AOPEP: variants seen among roughly 807,000 people sequenced by gnomAD.
AOPEP encodes the protein aminopeptidase O (putative).
Under a neutral mutation model 98.1 loss-of-function variants are expected in AOPEP, and 77 were observed. That is an observed-to-expected ratio of 0.78 (90% CI 0.65 to 0.95). The LOEUF is 0.95. Ranked by LOEUF, AOPEP falls within the 40% of genes least tolerant of loss-of-function variation. The probability of loss-of-function intolerance (pLI) is 0.00; values close to 1 mark genes in which losing one functional copy is unlikely to be tolerated. For synonymous variants in AOPEP, 346 were observed against 365.3 expected (o/e 0.95, Z 0.60); for missense variants, 1,024 against 1,024.7 (o/e 1.00, Z 0.01).
At chr9:94,882,812 A>G (rs1342954869) in intron 5 of AOPEP, among the ~76,000 whole-genome samples, 4 of 152,222 alleles carry the variant, frequency 2.6e-5, no homozygotes, top group East Asian at 3.9e-4. Flanking sequence ...AATAAAAACC[A>G]AACTTCCCTA....
intron 8 of AOPEP, 88 bp from the exon 9 acceptor site, chr9:94,955,820 C>A: frequency 1.2e-6 from 1 of 830,014 alleles, no homozygotes; most frequent in Non-Finnish European, 1.9e-6. Flanking sequence ...CACAAGTGCA[C>A]TATGGGTTAG....
intron 7 of AOPEP, among the ~76,000 whole-genome samples, chr9:94,935,526 C>T (rs1037704620): frequency 3.3e-5 from 5 of 152,122 alleles, no homozygotes; most frequent in Non-Finnish European, 5.9e-5. Context: ...CTCAGTTGTT[C>T]GCATCAGGCA....
intron 7 of AOPEP, among the ~76,000 whole-genome samples, chr9:94,954,684 T>A (rs979514376): frequency 2.6e-5 from 4 of 152,198 alleles, no homozygotes; most frequent in Admixed American, 2.6e-4. Flanking sequence ...AAACATGAGC[T>A]TCTATGACCT....
At chr9:94,884,715 CT>C (rs1414352152) in intron 5 of AOPEP, among the ~76,000 whole-genome samples, 1 of 152,166 alleles carries the variant, frequency 6.6e-6, no homozygotes, top group Non-Finnish European at 1.5e-5. Flanking sequence ...ATGTATAGCT[CT>C]TAAATCAGGC....
intron 7 of AOPEP, among the ~76,000 whole-genome samples, chr9:94,948,830 T>C (rs948514315): frequency 6.6e-6 from 1 of 152,238 alleles, no homozygotes. Context: ...TCTTGGCACC[T>C]GGTCTTCCTT....
At chr9:95,026,506 A>G (rs985433371) in intron 13 of AOPEP, among the ~76,000 whole-genome samples, 4 of 152,216 alleles carry the variant, frequency 2.6e-5, no homozygotes, top group Admixed American at 2.0e-4. Context: ...AGGTGCATGC[A>G]TGTCGCAGTG....
chr9:95,129,784 C>A, the AOPEP span, among the ~76,000 whole-genome samples: 1 of 152,114 alleles, frequency 6.6e-6, no homozygotes, highest in African/African-American at 2.4e-5. Context: ...TTATCTCCCC[C>A]CTCAGGCTTT....
intron 5 of AOPEP, among the ~76,000 whole-genome samples, chr9:94,858,853 C>T (rs898990464): frequency 2.0e-5 from 3 of 151,814 alleles, no homozygotes; most frequent in African/African-American, 4.8e-5. Context: ...GTTGGAGACC[C>T]GCCTGGCCAA....
chr9:95,145,461 G>A, the AOPEP span: 3 of 152,140 alleles, frequency 2.0e-5, no homozygotes, highest in East Asian at 1.9e-4. Flanking sequence ...CAGCTCTCTC[G>A]ATAATCTATA....
At chr9:95,084,805 CA>C (rs1410550413) in intron 16 of AOPEP, among the ~76,000 whole-genome samples, 4 of 151,686 alleles carry the variant, frequency 2.6e-5, no homozygotes, top group African/African-American at 9.7e-5. Flanking sequence ...CCGTGAGGAA[CA>C]GTGGCCGGGA....
intron 5 of AOPEP, among the ~76,000 whole-genome samples, chr9:94,886,672 C>T (rs2048279238): frequency 6.6e-6 from 1 of 152,104 alleles, no homozygotes; most frequent in Non-Finnish European, 1.5e-5. Context: ...TGATTGTTTT[C>T]TGTTACTTTG....
At chr9:94,818,381 A>G (rs979518100) in intron 5 of AOPEP, among the ~76,000 whole-genome samples, 2 of 152,216 alleles carry the variant, frequency 1.3e-5, no homozygotes, top group Non-Finnish European at 2.9e-5. Context: ...ATTCTCTAAA[A>G]TAATAGCTCC....
At chr9:95,057,898 T>G (rs1406589689) in intron 13 of AOPEP, among the ~76,000 whole-genome samples, 1 of 152,076 alleles carries the variant, frequency 6.6e-6, no homozygotes, top group African/African-American at 2.4e-5. Flanking sequence ...GGGGGCCTTG[T>G]TTTAGGGGGA....
the AOPEP span, among the ~76,000 whole-genome samples, chr9:95,147,245 C>G: frequency 6.6e-6 from 1 of 152,092 alleles, no homozygotes. Context: ...CTGGCTGGCG[C>G]AGTGGCTCAC....
chr9:94,883,295 A>AG (rs2047806044), intron 5 of AOPEP, among the ~76,000 whole-genome samples: 1 of 152,226 alleles, frequency 6.6e-6, no homozygotes, highest in African/African-American at 2.4e-5. Context: ...AAGGAAAAAA[A>AG]TGATTTGCAA....
At chr9:94,927,343 A>G (rs1005497479) in intron 6 of AOPEP, among the ~76,000 whole-genome samples, 1 of 152,228 alleles carries the variant, frequency 6.6e-6, no homozygotes, top group Non-Finnish European at 1.5e-5. Flanking sequence ...GTGGAGACAC[A>G]GTTTAGTCCA....
intron 5 of AOPEP, among the ~76,000 whole-genome samples, chr9:94,810,820 C>T (rs561935343): frequency 6.6e-6 from 1 of 152,288 alleles, no homozygotes; most frequent in African/African-American, 2.4e-5. Context: ...GCCTCTTTAA[C>T]CCTTGTTAAT....
chr9:95,008,590 AC>A (rs1236483367), intron 13 of AOPEP, among the ~76,000 whole-genome samples: 4 of 152,202 alleles, frequency 2.6e-5, no homozygotes, highest in Non-Finnish European at 4.4e-5. Flanking sequence ...AAACAAACTC[AC>A]CCTGTGCTCA....
intron 5 of AOPEP, among the ~76,000 whole-genome samples, chr9:94,869,702 G>T (rs183955751): frequency 1.3e-5 from 2 of 152,124 alleles, no homozygotes; most frequent in African/African-American, 4.8e-5. Context: ...GATACGGCTC[G>T]TGTTACCCAG....
Sources: allele counts gnomAD v4.1 joint callset (sites outside exome capture counted in the v4.1 genomes callset), GRCh38; gene constraint gnomAD v4.1.1; transcripts MANE v1.5; gene names NCBI Gene and HGNC (gene_info 2026-07-23, HGNC 2026-07-21).